The following UNK variants were observed in gnomAD, a reference collection of about 807,000 sequenced individuals.
The protein encoded by UNK is RING finger protein unkempt homolog.
In UNK, 32 loss-of-function variants were observed where a neutral mutation model predicts 97.6. That is an observed-to-expected ratio of 0.33 (90% CI 0.25 to 0.44). The LOEUF is 0.44. UNK is among the 20% of genes least tolerant of loss of function. UNK has a pLI of 1.00. For synonymous variants in UNK, 441 were observed against 461.2 expected (o/e 0.96, Z 0.56); for missense variants, 771 against 1,098.4 (o/e 0.70, Z 4.21).
intron 1 of UNK, chr17:75,794,176 C>A: frequency 1.0e-6 from 1 of 969,450 alleles, no homozygotes; most frequent in African/African-American, 1.8e-5. Flanking sequence ...TATTAAATAT[C>A]CAGTAGAGCA....
rs1274619855 is a variant in UNK at position 75,816,855 on chromosome 17, C to T, written c.1047C>T (p.Ala349=). 6 of 1,607,532 alleles carry T rather than the reference C, an allele frequency of 3.7e-6. No individual in the cohort carries two copies. Among genetic ancestry groups the T allele is most frequent in the Admixed American group, 1.7e-5 (1 of 59,874 alleles). Residue 349 remains alanine (A), a synonymous_variant, in exon 8 of 16, where the codon GCC becomes GCT. Transcript: ENST00000589666. The surrounding 1 kb of genome is among the most constrained non-coding windows in gnomAD (Gnocchi z 4.0). ...QPGPVLYMPS[A]AGDSVPVSPS... is the part of the protein sequence containing the mutation. ...GTCCTGTCCTGTACATGCCATCTGC[C>T]GCCGGAGACTCGGTGCCTGTGAGCC...
At chr17:75,811,407 A>T (rs1374421773) in intron 2 of UNK, among the ~76,000 whole-genome samples, 1 of 152,110 alleles carries the variant, frequency 6.6e-6, no homozygotes, top group Non-Finnish European at 1.5e-5. Flanking sequence ...CCAGCCTAGC[A>T]CCTCTTTCTC....
At chr17:75,804,316 G>A (rs2061890476) in intron 1 of UNK, among the ~76,000 whole-genome samples, 1 of 152,078 alleles carries the variant, frequency 6.6e-6, no homozygotes, top group Admixed American at 6.6e-5. Context: ...TTAGCCAGGT[G>A]TGGTAGCGCA....
intron 13 of UNK, among the ~76,000 whole-genome samples, chr17:75,822,136 A>G (rs2062074513): frequency 6.6e-6 from 1 of 152,128 alleles, no homozygotes; most frequent in Non-Finnish European, 1.5e-5. Context: ...AATTGCCACT[A>G]TCGGGGGCCT....
In UNK at chr17:75,824,220, C is replaced by T. The variant is rs930397159; in HGVS notation, c.2278-42C>T. ...AGGGAACTCCTCGCTCAACTTGGGGCCAGACCCATGGATGGTGACCACGAT... is the reference window on the plus strand; with the variant it reads ...AGGGAACTCCTCGCTCAACTTGGGGTCAGACCCATGGATGGTGACCACGAT... On this transcript the variant is annotated intron_variant, in intron 15 of 15. Transcript: ENST00000589666. The surrounding 1 kb of genome is among the most constrained non-coding windows in gnomAD (Gnocchi z 4.9). The T allele has an allele frequency of 3.2e-6, 5 of 1,540,942 alleles. No homozygotes were observed. The highest frequency in any genetic ancestry group is 4.4e-6 in the Non-Finnish European group (5 of 1,139,390).
intron 1 of UNK, among the ~76,000 whole-genome samples, chr17:75,805,459 C>A (rs1412189655): frequency 6.6e-6 from 1 of 150,984 alleles, no homozygotes; most frequent in Non-Finnish European, 1.5e-5. Flanking sequence ...TTAGCAATAC[C>A]TATGTATGTG....
chr17:75,786,421 CTGTGT>C (rs754286480), intron 1 of UNK, among the ~76,000 whole-genome samples: 29 of 152,132 alleles, frequency 1.9e-4, no homozygotes, highest in Non-Finnish European at 4.0e-4. Context: ...ACTTGTGTTT[CTGTGT>C]TGTGTTGTCA....
At chr17:75,800,950 C>T (rs1163560681) in intron 1 of UNK, among the ~76,000 whole-genome samples, 1 of 151,394 alleles carries the variant, frequency 6.6e-6, no homozygotes, top group Non-Finnish European at 1.5e-5. Flanking sequence ...GTCGCCCAGG[C>T]TGGAGTGCAG....
At chr17:75,800,925 ACGGAGTGTCACTCTGT>A (rs970857621) in intron 1 of UNK, among the ~76,000 whole-genome samples, 2 of 150,326 alleles carry the variant, frequency 1.3e-5, no homozygotes, top group African/African-American at 4.9e-5. Flanking sequence ...TTTTTTTGAG[ACGGAGTGTCACTCTGT>A]CGCCCAGGCT....
At position 75,819,464 on chromosome 17, in the gene UNK, T is replaced by C. The variant is rs772533160; in HGVS notation, c.1547-220T>C. The C allele has an allele frequency of 2.1e-5, 12 of 578,600 alleles. No homozygotes were observed. The Admixed American group carries it at 3.1e-4, about 15-fold the overall frequency. 35.8% of individuals were successfully genotyped at this position (578,600 alleles called of 1,614,324 possible). A position where few individuals can be genotyped will look rare whatever the true frequency, so the allele number is the denominator to read the frequency against. On this transcript the variant is annotated intron_variant, in intron 11 of 15. Transcript: ENST00000589666. This position sits in a 1 kb window ranked among gnomAD's most constrained non-coding sequence, Gnocchi z 5.4. Reference sequence around the variant, plus strand: ...TTCTCCTGGAAGTATCAAAGAAGATTCAGAAAGGAGAGGCATTTGGGTTGG... The same window carrying C: ...TTCTCCTGGAAGTATCAAAGAAGATCCAGAAAGGAGAGGCATTTGGGTTGG...
chr17:75,789,033 G>T (rs1244679359), intron 1 of UNK, among the ~76,000 whole-genome samples: 2 of 152,088 alleles, frequency 1.3e-5, no homozygotes, highest in Non-Finnish European at 2.9e-5. Flanking sequence ...TGAAATTAAA[G>T]TTCTTAGAGT....
At chr17:75,785,083 C>G (rs1397853447) in intron 1 of UNK, 99 bp downstream of exon 1, 7 of 737,582 alleles carry the variant, frequency 9.5e-6, no homozygotes, top group South Asian at 6.4e-5. Context: ...GCCTCTTCCT[C>G]CCCCCCTTCC....
intron 6 of UNK, 76 bp downstream of exon 6, chr17:75,813,954 G>C: frequency 7.4e-7 from 1 of 1,342,750 alleles, no homozygotes; most frequent in Non-Finnish European, 1.0e-6. Flanking sequence ...GGAGATGTTG[G>C]CAGAACCCAT....
intron 1 of UNK, among the ~76,000 whole-genome samples, chr17:75,807,732 C>CG (rs2061931709): frequency 6.6e-6 from 1 of 152,114 alleles, no homozygotes; most frequent in African/African-American, 2.4e-5. Flanking sequence ...GGATTACAGG[C>CG]ATGAGCCACC....
At chr17:75,811,630 C>T (rs1346863731) in intron 2 of UNK, among the ~76,000 whole-genome samples, 2 of 152,194 alleles carry the variant, frequency 1.3e-5, no homozygotes, top group Non-Finnish European at 2.9e-5. Flanking sequence ...TCTGTTACCT[C>T]GCAGCAGGGC....
In UNK at chr17:75,825,454, T is replaced by C. The variant is rs910586785; in HGVS notation, c.*1037T>C. On this transcript the variant is annotated 3_prime_UTR_variant, in exon 16 of 16. Coordinates refer to ENST00000589666, the MANE Select transcript of UNK (RefSeq NM_001080419.3). The surrounding 1 kb of genome is among the most constrained non-coding windows in gnomAD (Gnocchi z 4.4). ...TTTGCATTCCTTGGTGCTCTCTGAG[T>C]GCAGCTGGTGTCCCGCCCTGTTCTG... 1.3e-5 allele frequency: 2 copies of C among 152,734 alleles called. No individual in the cohort carries two copies. Among genetic ancestry groups the C allele is most frequent in the Non-Finnish European group, 2.9e-5 (2 of 68,180 alleles). 9.5% of individuals were successfully genotyped at this position (152,734 alleles called of 1,614,324 possible).
chr17:75,821,507 G>C, intron 13 of UNK: 1 of 440,490 alleles, frequency 2.3e-6, no homozygotes, highest in Non-Finnish European at 4.6e-6. Context: ...GGGTGACCCT[G>C]AGGTCTTCCT....
intron 5 of UNK, 132 bp downstream of exon 5, chr17:75,813,345 G>C (rs957014430): frequency 1.6e-6 from 2 of 1,290,024 alleles, no homozygotes. Context: ...CAAGCCCAGG[G>C]CCCAGGGGAG....
Position 75,819,257 on chromosome 17 carries a change from C to A in UNK, c.1547-427C>A, listed in dbSNP as rs116701032. On this transcript the variant is annotated intron_variant, in intron 11 of 15. Coordinates refer to ENST00000589666, the MANE Select transcript of UNK (RefSeq NM_001080419.3). This position sits in a 1 kb window ranked among gnomAD's most constrained non-coding sequence, Gnocchi z 5.4. The stretch of plus-strand genomic sequence containing the variant: ...TGAGGAGACAGATGACAACATGCTG[C>A]TCCTGCCCTCTAGAGGGAAACTTCC... The A allele has an allele frequency of 2.8e-3, 673 of 240,520 alleles. 4 individuals carry two copies. Among genetic ancestry groups the A allele is most frequent in the African/African-American group, 0.014 (614 of 43,966 alleles). The allele number at this position is 240,520 out of a possible 1,614,324, so 14.9% of individuals were successfully genotyped here.
Sources: gnomAD v4.1 joint callset for allele counts (sites outside exome capture counted in the v4.1 genomes callset) on GRCh38, gnomAD v4.1.1 for gene constraint, Gnocchi (gnomAD v3.1) non-coding constraint, MANE v1.5 for transcripts, NCBI Gene and HGNC (gene_info 2026-07-23, HGNC 2026-07-21) for gene names.